ROBO2: variants seen among roughly 807,000 people sequenced by gnomAD.
ROBO2 encodes roundabout guidance receptor 2.
ROBO2 carries 53 observed loss-of-function variants against 160.8 expected under a neutral mutation model. The ratio of observed to expected loss-of-function variants is 0.33; its 90% CI spans 0.26 to 0.41. ROBO2 has a LOEUF of 0.41. Ranked by LOEUF, ROBO2 falls within the 10% of genes least tolerant of loss-of-function variation. The pLI, the probability that ROBO2 is intolerant of heterozygous loss-of-function variation, is 1.00. For missense variants in ROBO2, 1,577 were observed against 1,722.4 expected (o/e 0.92, Z 1.49); for synonymous variants, 664 against 611.7 (o/e 1.09, Z -1.26).
intron 2 of ROBO2, among the ~76,000 whole-genome samples, chr3:77,174,931 T>C (rs893633178): frequency 6.6e-6 from 1 of 152,078 alleles, no homozygotes; most frequent in Non-Finnish European, 1.5e-5. Context: ...GAAACACTAA[T>C]ATTATAAAGC....
chr3:77,062,902 A>G (rs986980723), intron 1 of ROBO2, among the ~76,000 whole-genome samples: 1 of 152,166 alleles, frequency 6.6e-6, no homozygotes, highest in African/African-American at 2.4e-5. Flanking sequence ...TTGTATATGT[A>G]TGAGTTTAAA....
chr3:76,960,602 A>G (rs1169860316), intron 2 of ROBO2, among the ~76,000 whole-genome samples: 1 of 152,144 alleles, frequency 6.6e-6, no homozygotes, highest in Admixed American at 6.5e-5. Flanking sequence ...GCATTTTTAT[A>G]TATACTTGGA....
intron 2 of ROBO2, among the ~76,000 whole-genome samples, chr3:76,980,721 A>T (rs1016665761): frequency 6.6e-6 from 1 of 152,052 alleles, no homozygotes; most frequent in Admixed American, 6.6e-5. Flanking sequence ...ATGCCAAAAA[A>T]CTTACCTATT....
chr3:76,549,903 C>T (rs528796415), intron 2 of ROBO2, among the ~76,000 whole-genome samples: 5 of 152,304 alleles, frequency 3.3e-5, no homozygotes, highest in Admixed American at 3.3e-4. Flanking sequence ...AAAGTAAACT[C>T]ATTCCTCTTA....
intron 24 of ROBO2, among the ~76,000 whole-genome samples, chr3:77,636,527 G>T (rs1051556331): frequency 6.6e-6 from 1 of 152,038 alleles, no homozygotes; most frequent in Non-Finnish European, 1.5e-5. Context: ...GGGAGTCAGA[G>T]GTTGCGGTGA....
intron 2 of ROBO2, among the ~76,000 whole-genome samples, chr3:77,289,404 T>C (rs1204458677): frequency 6.6e-6 from 1 of 151,460 alleles, no homozygotes; most frequent in Non-Finnish European, 1.5e-5. Flanking sequence ...AATTGACGTT[T>C]AAACGGGGAC....
At chr3:77,515,724 T>C (rs894112525) in intron 5 of ROBO2, among the ~76,000 whole-genome samples, 4 of 151,640 alleles carry the variant, frequency 2.6e-5, no homozygotes, top group African/African-American at 9.7e-5. Context: ...ATATTGTCCC[T>C]TGGTAAAAAG....
At chr3:76,910,705 C>A (rs1206552330) in intron 2 of ROBO2, among the ~76,000 whole-genome samples, 1 of 117,300 alleles carries the variant, frequency 8.5e-6, no homozygotes, top group Non-Finnish European at 1.6e-5. Context: ...CAGCCTGGGC[C>A]ACAGAGTGAA....
intron 1 of ROBO2, among the ~76,000 whole-genome samples, chr3:77,043,159 A>G (rs1014658431): frequency 1.3e-5 from 2 of 152,184 alleles, no homozygotes. Context: ...GTTCACATAT[A>G]TAGTGAAGAG....
At chr3:76,205,924 GACTCAA>G (rs1164687175) in intron 2 of ROBO2, among the ~76,000 whole-genome samples, 1 of 152,148 alleles carries the variant, frequency 6.6e-6, no homozygotes, top group Non-Finnish European at 1.5e-5. Context: ...CATGGGCTGG[GACTCAA>G]ACTCGAACTG....
chr3:77,361,229 A>G (rs1294759335), intron 2 of ROBO2, among the ~76,000 whole-genome samples: 1 of 152,168 alleles, frequency 6.6e-6, no homozygotes, highest in Non-Finnish European at 1.5e-5. Flanking sequence ...TTAAATTTGA[A>G]TTTCAGATAA....
chr3:76,033,067 G>C (rs1459786835), intron 2 of ROBO2, among the ~76,000 whole-genome samples: 1 of 151,010 alleles, frequency 6.6e-6, no homozygotes, highest in Non-Finnish European at 1.5e-5. Context: ...AGAATAAATA[G>C]TACTTCCAAA....
At chr3:76,341,901 T>C (rs569500164) in intron 2 of ROBO2, among the ~76,000 whole-genome samples, 5 of 152,286 alleles carry the variant, frequency 3.3e-5, no homozygotes, top group African/African-American at 1.2e-4. Context: ...CTAGCATATG[T>C]TTCCTCTTTT....
intron 2 of ROBO2, among the ~76,000 whole-genome samples, chr3:76,833,842 ATGAAT>A (rs1398691991): frequency 6.6e-6 from 1 of 152,140 alleles, no homozygotes; most frequent in East Asian, 1.9e-4. Context: ...ATCAGTTAAA[ATGAAT>A]TGAAATGCTT....
intron 1 of ROBO2, among the ~76,000 whole-genome samples, chr3:77,050,071 T>C (rs2065065298): frequency 6.6e-6 from 1 of 152,230 alleles, no homozygotes; most frequent in Non-Finnish European, 1.5e-5. Context: ...TAGAATATGA[T>C]TAAACTTATT....
intron 5 of ROBO2, among the ~76,000 whole-genome samples, chr3:77,500,912 G>T (rs2087499689): frequency 6.6e-6 from 1 of 152,136 alleles, no homozygotes; most frequent in East Asian, 1.9e-4. Flanking sequence ...TAACAAGCTG[G>T]AACACACATG....
chr3:76,402,677 A>G (rs1420388138), intron 2 of ROBO2, among the ~76,000 whole-genome samples: 1 of 151,572 alleles, frequency 6.6e-6, no homozygotes. Flanking sequence ...ACTGGCTGCA[A>G]AGTGAGAGCT....
intron 4 of ROBO2, 100 bp downstream of exon 4, chr3:77,481,319 C>T (rs1461793438): frequency 2.3e-6 from 2 of 873,320 alleles, no homozygotes; most frequent in Middle Eastern, 3.8e-4. Flanking sequence ...AGGACAGTTA[C>T]TCATGACTCA....
At chr3:77,272,803 A>G (rs944115248) in intron 2 of ROBO2, among the ~76,000 whole-genome samples, 1 of 152,096 alleles carries the variant, frequency 6.6e-6, no homozygotes, top group Non-Finnish European at 1.5e-5. Flanking sequence ...AAATGTTGCT[A>G]TCTGGCAATT....
Sources: gnomAD v4.1 joint callset for allele counts (sites outside exome capture counted in the v4.1 genomes callset) on GRCh38, gnomAD v4.1.1 for gene constraint, MANE v1.5 for transcripts, NCBI Gene and HGNC (gene_info 2026-07-23, HGNC 2026-07-21) for gene names.